Variants in DHX8 observed in about 807,000 individuals in gnomAD.
DHX8 encodes the protein ATP-dependent RNA helicase DHX8.
Under a neutral mutation model 140.7 loss-of-function variants are expected in DHX8, and 67 were observed. That is an observed-to-expected ratio of 0.48 (90% CI 0.39 to 0.58). The LOEUF is 0.58. DHX8 is among the 20% of genes least tolerant of loss of function. DHX8 has a pLI of 0.00. For synonymous variants in DHX8, 533 were observed against 553.2 expected, an observed-to-expected ratio of 0.96 and a Z score of 0.51; for missense variants, 887 against 1,550.7, an observed-to-expected ratio of 0.57 and a Z score of 7.19.
intron 11 of DHX8, among the ~76,000 whole-genome samples, chr17:43,501,544 C>T (rs1030778012): frequency 2.0e-5 from 3 of 152,114 alleles, no homozygotes; most frequent in African/African-American, 7.2e-5. Flanking sequence ...AGTGCAACAC[C>T]ATGATCTTGA....
rs777572528 is a variant in DHX8, at chr17:43,507,206, A to T, written c.1923+9A>T. 7 of 1,593,450 alleles carry T rather than the reference A, an allele frequency of 4.4e-6. No homozygotes were observed. The South Asian group carries it at 7.9e-5, about 18-fold the overall frequency. ...GTTGCTTAGGCCAAGAGGTAAGTAG[A>T]TAGTGGAGTCGCTCGAAAAATACCA... On this transcript the variant is annotated intron_variant, in intron 13 of 22. Transcript: ENST00000262415.
Position 43,493,908 on chromosome 17 carries a change from G to T in DHX8, c.1212+22G>T. 3 of 1,613,054 alleles carry T rather than the reference G, an allele frequency of 1.9e-6. No individual in the cohort carries two copies. The South Asian group carries it at 3.3e-5, about 18-fold the overall frequency. ...ACAGGTTGGGGCCTTTAGTTTTCAT[G>T]ACCAGATAGTCATTCAGCATGTAGC... On this transcript the variant is annotated intron_variant, in intron 8 of 22. Transcript: ENST00000262415.
chr17:43,499,030 A>G, intron 10 of DHX8, 71 bp downstream of exon 10: 1 of 1,168,876 alleles, frequency 8.6e-7, no homozygotes, highest in Non-Finnish European at 1.2e-6. Context: ...GGGTCAGGTT[A>G]TTAGATCTGC....
chr17:43,528,706 TCA>T, downstream of DHX8: 3 of 1,614,092 alleles, frequency 1.9e-6, no homozygotes, highest in Non-Finnish European at 2.5e-6. Context: ...GGCCTCGGGC[TCA>T]CACACAAACT....
At chr17:43,499,519 T>A (rs989673581) in intron 10 of DHX8, among the ~76,000 whole-genome samples, 1 of 152,234 alleles carries the variant, frequency 6.6e-6, no homozygotes, top group Non-Finnish European at 1.5e-5. Flanking sequence ...ACATTGTTAG[T>A]GACAGGGAAT....
intron 1 of DHX8, among the ~76,000 whole-genome samples, chr17:43,486,076 T>TGCCTGTAATCCCA (rs6146063): frequency 0.25 from 37,867 of 151,346 alleles, 4,795 homozygotes; most frequent in Middle Eastern, 0.33. Flanking sequence ...TGGTGACTGG[T>TGCCTGTAATCCCA]GCTATGCAGG....
chr17:43,537,187 G>A (rs543877433), intron 3 of DHX8, among the ~76,000 whole-genome samples: 6 of 152,090 alleles, frequency 3.9e-5, no homozygotes, highest in South Asian at 4.2e-4. Flanking sequence ...CCAACATGAC[G>A]AAACCCCATC....
chr17:43,496,672 CG>C (rs1421036530), intron 9 of DHX8, among the ~76,000 whole-genome samples: 2 of 151,766 alleles, frequency 1.3e-5, no homozygotes, highest in Non-Finnish European at 2.9e-5. Flanking sequence ...CCCAGCTACT[CG>C]GGAGTCTGAG....
chr17:43,500,333 A>G (rs1339230001), intron 11 of DHX8, among the ~76,000 whole-genome samples: 1 of 152,062 alleles, frequency 6.6e-6, no homozygotes. Context: ...AAAAAAATAC[A>G]AAAGTTAGCC....
chr17:43,522,610 T>C (rs1320716002), intron 22 of DHX8, among the ~76,000 whole-genome samples: 1 of 151,552 alleles, frequency 6.6e-6, no homozygotes, highest in Non-Finnish European at 1.5e-5. Context: ...TAGCCAGGTA[T>C]GGTGGCGCAT....
intron 8 of DHX8, among the ~76,000 whole-genome samples, chr17:43,495,296 G>A (rs889187289): frequency 2.6e-5 from 4 of 152,090 alleles, no homozygotes; most frequent in Non-Finnish European, 4.4e-5. Flanking sequence ...TATTTTTGAG[G>A]CAAGTTCTTA....
At chr17:43,497,464 T>C (rs967660798) in intron 9 of DHX8, among the ~76,000 whole-genome samples, 1 of 152,160 alleles carries the variant, frequency 6.6e-6, no homozygotes, top group Admixed American at 6.6e-5. Flanking sequence ...ATAGAATTAC[T>C]GGGTAGGCCA....
At chr17:43,519,934 CTG>C (rs2154586866) in intron 18 of DHX8, 194 bp from the exon 19 acceptor site, 1 of 538,176 alleles carries the variant, frequency 1.9e-6, no homozygotes, top group Non-Finnish European at 3.3e-6. Flanking sequence ...GAGTGAGACT[CTG>C]TCTCAAGTAT....
intron 2 of DHX8, 84 bp from the exon 3 acceptor site, chr17:43,490,307 C>T (rs1968430204): frequency 9.8e-7 from 1 of 1,023,402 alleles, no homozygotes. Context: ...ACCACCCTTC[C>T]CTACAGGACA....
chr17:43,521,768 A>G (rs1275090507), intron 21 of DHX8, among the ~76,000 whole-genome samples: 1 of 152,134 alleles, frequency 6.6e-6, no homozygotes, highest in Non-Finnish European at 1.5e-5. Context: ...GATACCTAAG[A>G]GGAAGATTAT....
chr17:43,544,723 A>G, downstream of DHX8: 1 of 411,856 alleles, frequency 2.4e-6, no homozygotes, highest in Non-Finnish European at 4.4e-6. Flanking sequence ...TACCCCACAC[A>G]ATGGTCTGAT....
At chr17:43,487,983 GA>G (rs1282257968) in intron 1 of DHX8, among the ~76,000 whole-genome samples, 1 of 151,132 alleles carries the variant, frequency 6.6e-6, no homozygotes, top group East Asian at 1.9e-4. Flanking sequence ...AAAAAAAAAT[GA>G]AAAAATAAAA....
At chr17:43,512,605 C>G (rs1371013269) in intron 16 of DHX8, among the ~76,000 whole-genome samples, 2 of 152,086 alleles carry the variant, frequency 1.3e-5, no homozygotes, top group African/African-American at 4.8e-5. Context: ...CTATTCTATT[C>G]CTAATAATGA....
At chr17:43,491,301 CT>C in intron 4 of DHX8, 51 bp downstream of exon 4, 1 of 983,454 alleles carries the variant, frequency 1.0e-6, no homozygotes. Context: ...TTCTCAACCC[CT>C]TTTCTTTGTC....
Sources: allele counts gnomAD v4.1 joint callset (sites outside exome capture counted in the v4.1 genomes callset), GRCh38; gene constraint gnomAD v4.1.1; transcripts MANE v1.5; gene names NCBI Gene and HGNC (gene_info 2026-07-23, HGNC 2026-07-21).